Variants in RPAP1 observed in about 807,000 individuals in gnomAD.
The protein encoded by RPAP1 is RNA polymerase II-associated protein 1.
Under a neutral mutation model 142.4 loss-of-function variants are expected in RPAP1, and 109 were observed. The ratio of observed to expected loss-of-function variants is 0.77; its 90% CI spans 0.66 to 0.90. The LOEUF (loss-of-function observed/expected upper bound fraction) is 0.90, where lower values mean the gene tolerates loss of function less well. Among genes scored for constraint, RPAP1 ranks in the 40% least tolerant of loss-of-function variants. The pLI is 0.00. For synonymous variants in RPAP1, 704 were observed against 738.9 expected (o/e 0.95, Z 0.77); for missense variants, 1,546 against 1,751.7 (o/e 0.88, Z 2.10).
At chr15:41,529,647 G>T in intron 8 of RPAP1, 79 bp from the exon 9 acceptor site, 1 of 1,106,982 alleles carries the variant, frequency 9.0e-7, no homozygotes, top group Non-Finnish European at 1.3e-6. Context: ...TTAATCCCAG[G>T]CCTTTCAGGA....
chr15:41,537,791 G>A (rs1186340388), intron 1 of RPAP1, among the ~76,000 whole-genome samples: 3 of 151,424 alleles, frequency 2.0e-5, no homozygotes, highest in East Asian at 1.9e-4. Flanking sequence ...GCTGAGACAG[G>A]AGAATCGCTT....
intron 22 of RPAP1, 33 bp from the exon 23 acceptor site, chr15:41,518,215 G>A (rs2051687682): frequency 4.6e-6 from 7 of 1,531,790 alleles, no homozygotes; most frequent in Non-Finnish European, 6.1e-6. Context: ...CTGAGGGGGA[G>A]GGTAGGAATG....
chr15:41,524,074 G>A (rs1283724666), intron 16 of RPAP1, 22 bp downstream of exon 16: 1 of 1,593,122 alleles, frequency 6.3e-7, no homozygotes, highest in Non-Finnish European at 8.6e-7. Flanking sequence ...CACCTGTCCT[G>A]TGGGTCCTGG....
intron 20 of RPAP1, 64 bp downstream of exon 20, chr15:41,522,034 G>A: frequency 1.3e-6 from 2 of 1,591,102 alleles, no homozygotes; most frequent in Non-Finnish European, 1.7e-6. Flanking sequence ...AGCAGGCTGG[G>A]TTCCACAGAA....
intron 13 of RPAP1, 30 bp downstream of exon 13, chr15:41,527,137 T>C: frequency 6.2e-7 from 1 of 1,613,836 alleles, no homozygotes; most frequent in Non-Finnish European, 8.5e-7. Flanking sequence ...GCTAGGCTTT[T>C]TGCCCATTCC....
intron 1 of RPAP1, among the ~76,000 whole-genome samples, chr15:41,541,347 C>T (rs534841254): frequency 7.3e-5 from 11 of 149,852 alleles, no homozygotes; most frequent in Non-Finnish European, 1.5e-4. Context: ...GGTTTGAACC[C>T]AGGAGGTGGA....
At chr15:41,521,279 C>G in intron 21 of RPAP1, 132 bp from the exon 22 acceptor site, 1 of 876,572 alleles carries the variant, frequency 1.1e-6, no homozygotes, top group Non-Finnish European at 1.7e-6. Context: ...CTACTTCCCG[C>G]GCAGTGCTGT....
At position 41,522,883 on chromosome 15, in the gene RPAP1, C is replaced by T. The variant is rs113507030; in HGVS notation, c.2624G>A (p.Cys875Tyr). ...ACTGAGACGGGGGCAGCCTCCCGAG[C>T]AGCCCAGTGACACGAGGCTGGGGGG... The part of the protein sequence containing the change: ...EAPPSLVSLG[C>Y]SGGCPRLSLA... The change falls in exon 19 of 25, where the codon TGC becomes TAC. Residue 875 changes from cysteine to tyrosine, a missense_variant. Coordinates refer to ENST00000304330, the MANE Select transcript of RPAP1 (RefSeq NM_015540.4). The T allele has an allele frequency of 6.3e-6, 10 of 1,577,594 alleles. No individual in the cohort carries two copies. Among genetic ancestry groups the T allele is most frequent in the African/African-American group, 5.5e-5 (4 of 72,286 alleles).
intron 1 of RPAP1, among the ~76,000 whole-genome samples, chr15:41,540,055 A>G (rs1380611193): frequency 6.6e-6 from 1 of 152,118 alleles, no homozygotes; most frequent in Non-Finnish European, 1.5e-5. Flanking sequence ...ATAATAAAAT[A>G]AAATGATGAC....
intron 14 of RPAP1, 99 bp downstream of exon 14, chr15:41,526,799 T>C: frequency 1.7e-6 from 2 of 1,187,698 alleles, no homozygotes; most frequent in Non-Finnish European, 2.4e-6. Flanking sequence ...AGGAAGAAGA[T>C]GGCAAGAGCT....
At position 41,520,659 on chromosome 15, in the gene RPAP1, T is replaced by G. The variant is rs566648916; in HGVS notation, c.3527A>C (p.Gln1176Pro). The change falls in exon 22 of 25, where the codon CAG (glutamine) becomes CCG (proline). Residue 1176 changes from glutamine to proline, a missense_variant. Physicochemically the swap from Gln to Pro is moderately conservative, Grantham distance 76. Around this residue, in one of 3 missense-constraint regions of RPAP1, gnomAD observed 1,333 missense variants for 1,486.6 expected, o/e 0.90. Transcript: ENST00000304330. Reference protein sequence around the residue: ...DSELFRESPVQHLVAALLAQL... With the variant: ...DSELFRESPVPHLVAALLAQL... Reference sequence around the variant, plus strand: ...GGCGAGGAGGGCTGCCACCAGATGCTGTACTGGGGACTCCCGGAACAGCTC... The same window carrying G: ...GGCGAGGAGGGCTGCCACCAGATGCGGTACTGGGGACTCCCGGAACAGCTC... The G allele has an allele frequency of 3.1e-6, 5 of 1,614,038 alleles. No individual in the cohort carries two copies.
chr15:41,542,812 T>C (rs2051982737), intron 1 of RPAP1, among the ~76,000 whole-genome samples: 2 of 152,190 alleles, frequency 1.3e-5, no homozygotes, highest in South Asian at 2.1e-4. Flanking sequence ...CAGTTATGAT[T>C]CTTATTATTT....
At chr15:41,530,259 GA>G (rs1312010231) in intron 7 of RPAP1, among the ~76,000 whole-genome samples, 3 of 152,142 alleles carry the variant, frequency 2.0e-5, no homozygotes, top group African/African-American at 7.2e-5. Flanking sequence ...AAGGAAGAAA[GA>G]GAAAGAAAGG....
At chr15:41,518,259 A>C in intron 22 of RPAP1, 77 bp from the exon 23 acceptor site, 3 of 1,260,786 alleles carry the variant, frequency 2.4e-6, no homozygotes, top group South Asian at 3.3e-5. Context: ...GATAACGATC[A>C]CATGAAACCA....
chr15:41,524,134 TAGCTGGGTGAGGAGAGTGAGC>T lies in RPAP1; in HGVS notation c.2175_2195del (p.Leu726_Leu732del). 1 of 1,595,742 alleles carries T rather than the reference TAGCTGGGTGAGGAGAGTGAGC, an allele frequency of 6.3e-7. No homozygotes were observed. Among genetic ancestry groups the T allele is most frequent in the Non-Finnish European group, 8.6e-7 (1 of 1,169,188 alleles). ...CAGGGGTACTGCCGGCTGCCAGGGT[TAGCTGGGTGAGGAGAGTGAGC>T]AGTGAGGCTATCCGCTGCATGGACA... is the stretch of plus-strand genomic sequence containing the variant. On this transcript the variant is annotated inframe_deletion, in exon 16 of 25. Coordinates refer to ENST00000304330, the MANE Select transcript of RPAP1 (RefSeq NM_015540.4).
At position 41,528,306 on chromosome 15, in the gene RPAP1, G is replaced by A. The variant is rs746392313; in HGVS notation, c.1189C>T (p.His397Tyr). Reference protein sequence around the residue: ...RAGYSLQELFHLTRSQVSQQR... With the variant: ...RAGYSLQELFYLTRSQVSQQR... ...TGGGAAACCTGGCTGCGGGTCAGGT[G>A]GAACAGCTCCTGTAGGGAATACCCC... is the stretch of plus-strand genomic sequence containing the variant. Residue 397 changes from histidine to tyrosine, a missense_variant, in exon 10 of 25, where the codon CAC becomes TAC. By Grantham distance (83) the His-to-Tyr change is moderately conservative. Around this residue, in one of 3 missense-constraint regions of RPAP1, gnomAD observed 1,333 missense variants for 1,486.6 expected, o/e 0.90. Transcript: ENST00000304330. The A allele has an allele frequency of 1.2e-6, 2 of 1,602,830 alleles. No individual in the cohort carries two copies. The highest frequency in any genetic ancestry group is 1.1e-5 in the South Asian group (1 of 88,912).
Position 41,531,120 on chromosome 15 carries a change from T to A in RPAP1, c.846A>T (p.Pro282=), listed in dbSNP as rs372297800. The change falls in exon 7 of 25, where the codon CCA becomes CCT. Residue 282 remains proline, a synonymous_variant. Transcript: ENST00000304330. ...TGETASEEQR[P]GGPSANVTKE... The stretch of plus-strand genomic sequence containing the variant: ...TGGTGACATTAGCAGAGGGTCCTCC[T>A]GGCCTCTGCTCCTCAGAGGCTGTCT... 2.5e-6 allele frequency: 4 copies of A among 1,613,962 alleles called. No individual in the cohort carries two copies. In the East Asian group the frequency reaches 8.9e-5, roughly 36 times the overall value.
At chr15:41,521,610 G>T (rs2051726760) in intron 21 of RPAP1, 128 bp downstream of exon 21, 3 of 1,042,834 alleles carry the variant, frequency 2.9e-6, no homozygotes, top group Non-Finnish European at 4.1e-6. Flanking sequence ...TGGAAGCTCG[G>T]AAGAGTTAAG....
chr15:41,527,854 T>G lies in RPAP1; in HGVS notation c.1428+6A>C. On this transcript the variant is annotated splice_donor_region_variant and intron_variant, in intron 11 of 24. Coordinates refer to ENST00000304330, the MANE Select transcript of RPAP1 (RefSeq NM_015540.4). ...AGCCCAAGCCCCATTCCTATCCCTGTGGTACCTCATCTCCAGGAGCCACCA... is the reference window on the plus strand; with the variant it reads ...AGCCCAAGCCCCATTCCTATCCCTGGGGTACCTCATCTCCAGGAGCCACCA... 6.2e-7 allele frequency: 1 copy of G among 1,614,052 alleles called. No homozygotes were observed. Among genetic ancestry groups the G allele is most frequent in the Non-Finnish European group, 8.5e-7 (1 of 1,179,974 alleles).
Sources: allele counts gnomAD v4.1 joint callset (sites outside exome capture counted in the v4.1 genomes callset), GRCh38; gene constraint gnomAD v4.1.1; regional missense constraint gnomAD v4.1.1; transcripts MANE v1.5; gene names NCBI Gene and HGNC (gene_info 2026-07-23, HGNC 2026-07-21).